The following PIK3AP1 variants were observed in gnomAD, a reference collection of about 807,000 sequenced individuals.
PIK3AP1 encodes the protein phosphoinositide-3-kinase adaptor protein 1, also known as phosphoinositide 3-kinase adapter protein 1.
PIK3AP1 carries 21 observed loss-of-function variants against 88.1 expected under a neutral mutation model. The ratio of observed to expected loss-of-function variants is 0.24; its 90% CI spans 0.17 to 0.34. PIK3AP1 has a LOEUF of 0.34. PIK3AP1 is among the 10% of genes least tolerant of loss of function. PIK3AP1 has a pLI of 1.00. For missense variants in PIK3AP1, 828 were observed against 1,035.7 expected (o/e 0.80, Z 2.75); for synonymous variants, 398 against 400.0 (o/e 1.00, Z 0.06).
chr10:96,702,881 T>C (rs1375192750), intron 2 of PIK3AP1, among the ~76,000 whole-genome samples: 1 of 152,190 alleles, frequency 6.6e-6, no homozygotes, highest in Non-Finnish European at 1.5e-5. Flanking sequence ...ATTCCTTTAT[T>C]TTTCTTTTTC....
intron 2 of PIK3AP1, among the ~76,000 whole-genome samples, chr10:96,702,087 T>C (rs912487053): frequency 2.0e-5 from 3 of 152,174 alleles, no homozygotes; most frequent in Admixed American, 6.5e-5. Context: ...CACTTATATG[T>C]GGAATCCAAA....
At position 96,709,941 on chromosome 10, in the gene PIK3AP1, T is replaced by A; in HGVS notation, c.56A>T (p.Asp19Val). The change falls in exon 2 of 17, where the codon GAT becomes GTT. Residue 19 changes from aspartate (D) to valine (V), a missense_variant. Asp to Val is a radical substitution (Grantham distance 152). This residue lies in a region of PIK3AP1 where 610 missense variants were observed against 760.1 expected (regional missense o/e 0.80). Transcript: ENST00000339364. ...GCDILIVYSP[D>V]AEEWCQYLQT... ...CAGGTACTGGCACCATTCCTCGGCA[T>A]CCGGGCTGTAGACGATGAGGATGTC... The A allele has an allele frequency of 6.2e-7, 1 of 1,604,818 alleles. No homozygotes were observed. The highest frequency in any genetic ancestry group is 8.5e-7 in the Non-Finnish European group (1 of 1,173,268).
intron 2 of PIK3AP1, among the ~76,000 whole-genome samples, chr10:96,676,192 T>C (rs984785269): frequency 3.3e-5 from 5 of 152,118 alleles, no homozygotes; most frequent in African/African-American, 9.7e-5. Flanking sequence ...TCTCAGGAAC[T>C]TTCACCCCAA....
Position 96,623,370 on chromosome 10 carries a change from CT to C in PIK3AP1, c.1735+101del, listed in dbSNP as rs1843113550. On this transcript the variant is annotated intron_variant, in intron 11 of 16. Coordinates refer to ENST00000339364, the MANE Select transcript of PIK3AP1 (RefSeq NM_152309.3). ...GAGCCATGATGCCTGGCCTAGATCC[CT>C]CTATTTTTCAATGTCAAGGAGCTAT... The C allele has an allele frequency of 1.5e-5, 18 of 1,170,406 alleles. No homozygotes were observed. The South Asian group carries it at 2.3e-4, about 15-fold the overall frequency. The allele number at this position is 1,170,406 out of a possible 1,614,324, so 72.5% of individuals were successfully genotyped here.
chr10:96,619,984 A>G (rs1218822249), intron 12 of PIK3AP1, among the ~76,000 whole-genome samples: 2 of 152,184 alleles, frequency 1.3e-5, no homozygotes. Flanking sequence ...TGTGATAGTT[A>G]TGAGGGTATT....
intron 2 of PIK3AP1, among the ~76,000 whole-genome samples, chr10:96,662,807 G>A (rs1403300338): frequency 6.9e-6 from 1 of 145,082 alleles, no homozygotes; most frequent in East Asian, 2.1e-4. Flanking sequence ...GCGTGAACCG[G>A]GGAAGCGGAG....
chr10:96,654,434 G>A (rs910622846), intron 3 of PIK3AP1, among the ~76,000 whole-genome samples: 1 of 152,180 alleles, frequency 6.6e-6, no homozygotes, highest in African/African-American at 2.4e-5. Context: ...TGGCAAGCTT[G>A]GACTTTATGA....
chr10:96,686,352 T>C (rs1307125782), intron 2 of PIK3AP1, among the ~76,000 whole-genome samples: 1 of 152,060 alleles, frequency 6.6e-6, no homozygotes, highest in Non-Finnish European at 1.5e-5. Context: ...CAGAATAATA[T>C]GTGGGCCCTG....
intron 13 of PIK3AP1, among the ~76,000 whole-genome samples, chr10:96,614,651 G>T (rs1319375089): frequency 6.6e-6 from 1 of 152,096 alleles, no homozygotes; most frequent in Admixed American, 6.6e-5. Flanking sequence ...AGCCAGACCT[G>T]TGTGAATACA....
At chr10:96,611,813 C>T (rs1367989991) in intron 13 of PIK3AP1, among the ~76,000 whole-genome samples, 1 of 151,984 alleles carries the variant, frequency 6.6e-6, no homozygotes, top group Non-Finnish European at 1.5e-5. Flanking sequence ...TAATTAACTT[C>T]GAGGAGGCAA....
intron 6 of PIK3AP1, among the ~76,000 whole-genome samples, chr10:96,649,097 A>C (rs1272090785): frequency 6.6e-6 from 1 of 152,132 alleles, no homozygotes; most frequent in African/African-American, 2.4e-5. Flanking sequence ...CCCAGGCTGG[A>C]GTGCAGTGGC....
intron 14 of PIK3AP1, among the ~76,000 whole-genome samples, chr10:96,604,629 A>G (rs143532591): frequency 6.6e-6 from 1 of 152,132 alleles, no homozygotes; most frequent in Non-Finnish European, 1.5e-5. Context: ...TTTAACCCCT[A>G]TGAAAATCCT....
chr10:96,714,877 A>G (rs547577782), intron 1 of PIK3AP1, among the ~76,000 whole-genome samples: 3 of 152,324 alleles, frequency 2.0e-5, no homozygotes, highest in African/African-American at 7.2e-5. Context: ...ACACTGGGGA[A>G]AAAAGACAAA....
At position 96,597,271 on chromosome 10, in the gene PIK3AP1, T is replaced by TTCC. The variant is rs1848776068; in HGVS notation, c.2361-1638_2361-1637insGGA. Among the ~76,000 whole-genome samples, 511 of 107,546 alleles carry TTCC rather than the reference T, an allele frequency of 4.8e-3. 6 individuals are homozygous for TTCC. The highest frequency in any genetic ancestry group is 0.02 in the African/African-American group (477 of 24,252). 70.6% of individuals were successfully genotyped at this position (107,546 alleles called of 152,430 possible). On this transcript the variant is annotated intron_variant, in intron 16 of 16. Coordinates refer to ENST00000339364, the MANE Select transcript of PIK3AP1 (RefSeq NM_152309.3). ...CCTTCTTTTTTTCTTTCTTTCTTTC[T>TTCC]TTCCTTCCTTCCTTCCTTCCTTCCT...
chr10:96,596,505 A>G (rs1848756368), intron 16 of PIK3AP1, among the ~76,000 whole-genome samples: 1 of 152,214 alleles, frequency 6.6e-6, no homozygotes, highest in Non-Finnish European at 1.5e-5. Context: ...CTAGGTTTTA[A>G]AACACCAGCA....
In PIK3AP1 at chr10:96,636,616, T is replaced by C. The variant is rs76457566; in HGVS notation, c.1376-8123A>G. Among the ~76,000 whole-genome samples the C allele has an allele frequency of 6.1e-3, 929 of 152,326 alleles. 5 individuals carry two copies. The highest frequency in any genetic ancestry group is 0.021 in the African/African-American group (891 of 41,568). ...GGCTTGTACTTCAGATCCCAAGCAC[T>C]TAAACTTCATGACTTGCAAATTAAA... On this transcript the variant is annotated intron_variant, in intron 8 of 16. Coordinates refer to ENST00000339364, the MANE Select transcript of PIK3AP1 (RefSeq NM_152309.3).
At chr10:96,670,333 G>A (rs1843828523) in intron 2 of PIK3AP1, among the ~76,000 whole-genome samples, 1 of 152,084 alleles carries the variant, frequency 6.6e-6, no homozygotes, top group African/African-American at 2.4e-5. Flanking sequence ...TCTATTTAAA[G>A]TAATAAAATA....
chr10:96,705,883 TG>T lies in PIK3AP1; in HGVS notation c.430+3683del, dbSNP rs1373476971. Among the ~76,000 whole-genome samples the T allele has an allele frequency of 1.7e-3, 230 of 137,768 alleles. 1 individual carries two copies. The highest frequency in any genetic ancestry group is 6.3e-3 in the African/African-American group (215 of 34,014). 90.4% of individuals were successfully genotyped at this position (137,768 alleles called of 152,430 possible). ...GCATAAGCCACTATGCCCAGCCAGT[TG>T]TTTTTTTTTTTTTTTTTTTTTTTTT... On this transcript the variant is annotated intron_variant, in intron 2 of 16. Transcript: ENST00000339364.
chr10:96,714,920 G>A lies in PIK3AP1; in HGVS notation c.14-4937C>T, dbSNP rs138025984. ...TGCATAACAATTCTGAATAATTTAT[G>A]TAGATAGATAACTCCACCCTCAAGG... On this transcript the variant is annotated intron_variant, in intron 1 of 16. Coordinates refer to ENST00000339364, the MANE Select transcript of PIK3AP1 (RefSeq NM_152309.3). Among the ~76,000 whole-genome samples the A allele has an allele frequency of 7.2e-5, 11 of 152,252 alleles. No homozygotes were observed. The East Asian group carries it at 1.9e-3, about 27-fold the overall frequency.
Sources: allele counts gnomAD v4.1 joint callset (sites outside exome capture counted in the v4.1 genomes callset), GRCh38; gene constraint gnomAD v4.1.1; regional missense constraint gnomAD v4.1.1; transcripts MANE v1.5; gene names NCBI Gene and HGNC (gene_info 2026-07-23, HGNC 2026-07-21).